WDR20: variants seen among roughly 807,000 people sequenced by gnomAD.
The protein encoded by WDR20 is WD repeat-containing protein 20.
WDR20 carries 3 observed loss-of-function variants against 38.7 expected under a neutral mutation model. That is an observed-to-expected ratio of 0.08 (90% CI 0.04 to 0.20). WDR20 has a LOEUF of 0.20. Among genes scored for constraint, WDR20 ranks in the 10% least tolerant of loss-of-function variants. The pLI, the probability that WDR20 is intolerant of heterozygous loss-of-function variation, is 1.00. For missense variants in WDR20, 559 were observed against 727.7 expected (o/e 0.77, Z 2.67); for synonymous variants, 298 against 285.6 (o/e 1.04, Z -0.44).
chr14:102,177,806 A>G (rs1404339307), intron 1 of WDR20, among the ~76,000 whole-genome samples: 1 of 152,212 alleles, frequency 6.6e-6, no homozygotes, highest in East Asian at 1.9e-4. Context: ...ACCATGTGGT[A>G]GAAATTTAAG....
At chr14:102,160,519 A>T (rs1011459909) in intron 1 of WDR20, among the ~76,000 whole-genome samples, 4 of 152,088 alleles carry the variant, frequency 2.6e-5, no homozygotes, top group African/African-American at 9.7e-5. Context: ...AATGATCTAT[A>T]TTGGAGATCT....
chr14:102,173,420 T>G (rs1432073213), intron 1 of WDR20, among the ~76,000 whole-genome samples: 1 of 148,098 alleles, frequency 6.8e-6, no homozygotes, highest in Non-Finnish European at 1.5e-5. Context: ...GGCCTGTTTT[T>G]TTCTTTTTTT....
chr14:102,182,673 A>G (rs1311953660), intron 1 of WDR20, among the ~76,000 whole-genome samples: 1 of 151,930 alleles, frequency 6.6e-6, no homozygotes, highest in Non-Finnish European at 1.5e-5. Flanking sequence ...TAGTTTTAGT[A>G]GTTTTTTTGG....
At chr14:102,217,388 TC>T (rs973896925), downstream of WDR20, among the ~76,000 whole-genome samples, 4 of 152,164 alleles carry the variant, frequency 2.6e-5, no homozygotes, top group African/African-American at 9.7e-5. Flanking sequence ...GCGTGGTCTT[TC>T]CCCGGAAGTC....
At chr14:102,224,120 C>T (rs1597199040), downstream of WDR20, among the ~76,000 whole-genome samples, 1 of 149,376 alleles carries the variant, frequency 6.7e-6, no homozygotes, top group East Asian at 2.0e-4. Flanking sequence ...CGGCTCACTG[C>T]AAGCTCCGCC....
chr14:102,206,779 CTG>C (rs2061614381), intron 2 of WDR20, among the ~76,000 whole-genome samples: 4 of 152,128 alleles, frequency 2.6e-5, no homozygotes. Context: ...CTGGGGTAGT[CTG>C]GGCCCAGTGG....
At chr14:102,169,780 G>A (rs902111739) in intron 1 of WDR20, among the ~76,000 whole-genome samples, 22 of 152,060 alleles carry the variant, frequency 1.4e-4, no homozygotes, top group African/African-American at 5.3e-4. Flanking sequence ...CACCCGACTC[G>A]GCCTCCCAAA....
Position 102,206,206 on chromosome 14 carries a change from C to T in WDR20, c.433-2397C>T, listed in dbSNP as rs574359128. Among the ~76,000 whole-genome samples, 26 of 152,238 alleles carry T rather than the reference C, an allele frequency of 1.7e-4. No homozygotes were observed. The East Asian group carries it at 3.1e-3, about 18-fold the overall frequency. On this transcript the variant is annotated intron_variant, in intron 2 of 2. Transcript: ENST00000342702. ...TTCACCATGTTGGCCAGGCTGGTCT[C>T]GAACTCCTGACCTAAAGTGATCCAC...
downstream of WDR20, chr14:102,214,399 G>A (rs2062951855): frequency 1.0e-6 from 1 of 985,300 alleles, no homozygotes; most frequent in South Asian, 4.7e-5. Flanking sequence ...GGCTTTATAT[G>A]TAAAAGCACT....
Position 102,162,001 on chromosome 14 carries a change from C to T in WDR20, c.249+21829C>T, listed in dbSNP as rs943986065. On this transcript the variant is annotated intron_variant, in intron 1 of 2. Transcript: ENST00000342702. ...TAACCCAGTCTTTACTAACCCATAC[C>T]TTTAGCAAAGAGATTGGATTACCCA... 8.5e-5 allele frequency among the ~76,000 whole-genome samples: 13 copies of T among 152,292 alleles called. No homozygotes were observed. In the South Asian group the frequency reaches 2.7e-3, roughly 32 times the overall value.
intron 1 of WDR20, among the ~76,000 whole-genome samples, chr14:102,161,522 C>T (rs1180832247): frequency 2.6e-5 from 4 of 151,896 alleles, no homozygotes; most frequent in Admixed American, 2.6e-4. Flanking sequence ...CCATATTGCC[C>T]ATGCTGGGTT....
downstream of WDR20, chr14:102,214,003 G>C (rs937988021): frequency 5.1e-6 from 5 of 985,384 alleles, no homozygotes; most frequent in African/African-American, 1.7e-5. Context: ...AGGGCATGGC[G>C]GGGGATCCGG....
rs2064018783 is a variant in WDR20 at position 102,222,509 on chromosome 14, G to T, written c.1693-321G>T. Among the ~76,000 whole-genome samples the T allele has an allele frequency of 2.0e-5, 3 of 152,150 alleles. 1 individual carries two copies. In the South Asian group the frequency reaches 6.2e-4, roughly 32 times the overall value. On this transcript the variant is annotated intron_variant, in intron 3 of 3. Transcript: ENST00000335263. This position sits in a 1 kb window ranked among gnomAD's most constrained non-coding sequence, Gnocchi z 4.4. ...CTCCCACGAGGCACCTGCACCTTTG[G>T]GTCAGCAAAGCTCCAAAGAACCTGT...
chr14:102,194,746 A>G (rs940167778), intron 1 of WDR20, among the ~76,000 whole-genome samples, 192 bp from the exon 2 acceptor site: 2 of 152,256 alleles, frequency 1.3e-5, no homozygotes, highest in Non-Finnish European at 2.9e-5. Context: ...ATAGTCTAAT[A>G]ATATCTAATT....
chr14:102,187,378 G>T (rs2065087896), intron 1 of WDR20, among the ~76,000 whole-genome samples: 2 of 151,322 alleles, frequency 1.3e-5, no homozygotes, highest in African/African-American at 4.9e-5. Flanking sequence ...AGGCATCGGT[G>T]AAGGGGTCTG....
chr14:102,147,845 C>T (rs1472587713), intron 1 of WDR20, among the ~76,000 whole-genome samples: 2 of 152,208 alleles, frequency 1.3e-5, no homozygotes, highest in African/African-American at 4.8e-5. Flanking sequence ...ATTCGCAGGC[C>T]TCAGCCTCCC....
chr14:102,212,871 C>T, downstream of WDR20: 2 of 1,203,912 alleles, frequency 1.7e-6, no homozygotes, highest in Non-Finnish European at 2.1e-6. Context: ...CTTTTCTAAC[C>T]TAATCTGTGG....
At chr14:102,177,615 G>C (rs1433523005) in intron 1 of WDR20, among the ~76,000 whole-genome samples, 1 of 152,150 alleles carries the variant, frequency 6.6e-6, no homozygotes, top group Non-Finnish European at 1.5e-5. Flanking sequence ...GCTCAAATCT[G>C]TCTCTCTGTG....
At chr14:102,213,516 C>A (rs1344435660), downstream of WDR20, 1 of 985,300 alleles carries the variant, frequency 1.0e-6, no homozygotes, top group Non-Finnish European at 1.2e-6. Context: ...CTATCACAAT[C>A]ATTCTTTTCT....
Sources: allele counts gnomAD v4.1 joint callset (sites outside exome capture counted in the v4.1 genomes callset), GRCh38; gene constraint gnomAD v4.1.1; non-coding constraint Gnocchi (gnomAD v3.1); transcripts MANE v1.5; gene names NCBI Gene and HGNC (gene_info 2026-07-23, HGNC 2026-07-21).